PDZD2: variants seen among roughly 807,000 people sequenced by gnomAD.
PDZD2 encodes PDZ domain containing 2, also known as PDZ domain-containing protein 2.
A neutral mutation model predicts 220.7 loss-of-function variants in PDZD2; 90 were observed. The observed-to-expected ratio is 0.41, with a 90% CI of 0.34 to 0.49. PDZD2 has a LOEUF of 0.49. Among genes scored for constraint, PDZD2 ranks in the 20% least tolerant of loss-of-function variants. The pLI is 0.28. For synonymous variants in PDZD2, 1,375 were observed against 1,450.5 expected (o/e 0.95, Z 1.18); for missense variants, 3,174 against 3,608.5 (o/e 0.88, Z 3.08).
chr5:32,098,941 C>A lies in PDZD2; in HGVS notation c.8218+307C>A, dbSNP rs542307741. ...TTACATTCACAGCCTCTTGTTAGGA[C>A]TGGTAAGGAAAACAGGAAACTACGT... is the stretch of plus-strand genomic sequence containing the variant. On this transcript the variant is annotated intron_variant, in intron 23 of 24. Transcript: ENST00000438447. This position sits in a 1 kb window ranked among gnomAD's most constrained non-coding sequence, Gnocchi z 4.1. Among the ~76,000 whole-genome samples the A allele has an allele frequency of 6.6e-6, 1 of 152,144 alleles. No individual in the cohort carries two copies. Among genetic ancestry groups the A allele is most frequent in the Non-Finnish European group, 1.5e-5 (1 of 68,036 alleles).
At chr5:31,868,965 G>A (rs559784890) in intron 2 of PDZD2, among the ~76,000 whole-genome samples, 1 of 152,188 alleles carries the variant, frequency 6.6e-6, no homozygotes, top group African/African-American at 2.4e-5. Context: ...CAGAGATGAG[G>A]CTTTGCCATG....
chr5:31,983,140 CTCTG>C lies in PDZD2; in HGVS notation c.477-9_477-6del, dbSNP rs1561259189. ...GTGTGTGGGGTTCTAACTGGCACCT[CTCTG>C]TCTGTTGCAGTTACCTGGCTGAGCA... On this transcript the variant is annotated splice_polypyrimidine_tract_variant and intron_variant, in intron 2 of 24. Transcript: ENST00000438447. The C allele has an allele frequency of 1.2e-6, 2 of 1,605,502 alleles. No individual in the cohort carries two copies. Among genetic ancestry groups the C allele is most frequent in the Non-Finnish European group, 1.7e-6 (2 of 1,175,090 alleles).
chr5:32,003,105 CCACAA>C (rs1752402922), intron 5 of PDZD2, among the ~76,000 whole-genome samples: 1 of 113,432 alleles, frequency 8.8e-6, no homozygotes, highest in African/African-American at 3.2e-5. Context: ...CACACACACC[CCACAA>C]ACACACCACG....
Position 31,654,061 on chromosome 5 carries a change from G to A in PDZD2, c.-361+14624G>A, listed in dbSNP as rs1345693426. 3.9e-5 allele frequency among the ~76,000 whole-genome samples: 6 copies of A among 152,310 alleles called. No homozygotes were observed. In the East Asian group the frequency reaches 7.7e-4, roughly 20 times the overall value. ...GGCCTCCCAAAGTGCTGGGATTACAGGCGTGGGCCACCGCGCCTGGCCCCA... is the reference window on the plus strand; with the variant it reads ...GGCCTCCCAAAGTGCTGGGATTACAAGCGTGGGCCACCGCGCCTGGCCCCA... On this transcript the variant is annotated intron_variant, in intron 1 of 24. Coordinates refer to ENST00000438447, the MANE Select transcript of PDZD2 (RefSeq NM_178140.4).
intron 2 of PDZD2, among the ~76,000 whole-genome samples, chr5:31,803,261 CTTTTTT>C (rs759569783): frequency 1.1e-5 from 1 of 92,254 alleles, no homozygotes; most frequent in African/African-American, 5.0e-5. Flanking sequence ...CTGCATCTGG[CTTTTTT>C]TTTTTTTTTT....
rs760295515 is a variant in PDZD2, at chr5:32,090,277, A to G, written c.6829A>G (p.Ile2277Val). Residue 2277 changes from isoleucine (I) to valine (V), a missense_variant, in exon 20 of 25, where the codon ATA (isoleucine) becomes GTA (valine). Ile to Val is a conservative substitution (Grantham distance 29, BLOSUM62 3). Transcript: ENST00000438447. This position sits in a 1 kb window ranked among gnomAD's most constrained non-coding sequence, Gnocchi z 4.3. ...TCCCAGCCTGGCTAATGGACAGGGC[A>G]TATATAGTGTAAAGCCGCTGCTGGA... ...GLPSLANGQGIYSVKPLLDTS... is the reference protein window; with the variant it reads ...GLPSLANGQGVYSVKPLLDTS... 4.3e-6 allele frequency: 7 copies of G among 1,614,064 alleles called. No individual in the cohort carries two copies. The highest frequency in any genetic ancestry group is 5.9e-6 in the Non-Finnish European group (7 of 1,180,022).
At chr5:31,778,452 T>A (rs1263899778) in intron 1 of PDZD2, among the ~76,000 whole-genome samples, 1 of 152,118 alleles carries the variant, frequency 6.6e-6, no homozygotes, top group African/African-American at 2.4e-5. Flanking sequence ...GCTTCACTCC[T>A]GAGGCCAGCG....
intron 2 of PDZD2, among the ~76,000 whole-genome samples, chr5:31,882,424 T>G (rs1222097252): frequency 1.3e-5 from 2 of 152,112 alleles, no homozygotes; most frequent in African/African-American, 4.8e-5. Flanking sequence ...AACACAGGGA[T>G]AATAATTAGA....
intron 2 of PDZD2, among the ~76,000 whole-genome samples, chr5:31,848,604 C>T (rs1320230420): frequency 8.2e-6 from 1 of 122,578 alleles, no homozygotes; most frequent in Admixed American, 8.1e-5. Context: ...CAAAAACCAG[C>T]CAGGTGTGGT....
intron 2 of PDZD2, among the ~76,000 whole-genome samples, chr5:31,855,373 G>A (rs1433976465): frequency 1.3e-5 from 2 of 152,250 alleles, no homozygotes; most frequent in Non-Finnish European, 2.9e-5. Flanking sequence ...TTGAGAGACG[G>A]TTTGTGTTCC....
chr5:31,792,609 G>A (rs1201556878), intron 1 of PDZD2, among the ~76,000 whole-genome samples: 1 of 151,912 alleles, frequency 6.6e-6, no homozygotes, highest in African/African-American at 2.4e-5. Context: ...GTGGAGACGG[G>A]GTTTCACCGT....
At chr5:32,093,281 G>T (rs1743345915) in intron 21 of PDZD2, among the ~76,000 whole-genome samples, 1 of 152,186 alleles carries the variant, frequency 6.6e-6, no homozygotes, top group African/African-American at 2.4e-5. Context: ...GTAGCAACTA[G>T]TTACCATTCT....
At chr5:31,920,081 C>T (rs892616310) in intron 2 of PDZD2, among the ~76,000 whole-genome samples, 3 of 151,662 alleles carry the variant, frequency 2.0e-5, no homozygotes, top group Non-Finnish European at 4.4e-5. Context: ...CTCAGTAGTT[C>T]GAGACCAGCC....
intron 6 of PDZD2, among the ~76,000 whole-genome samples, chr5:32,031,445 A>T (rs2112194954): frequency 6.6e-6 from 1 of 152,326 alleles, no homozygotes; most frequent in South Asian, 2.1e-4. Context: ...GATTTCTAAA[A>T]ACTGAGCATT....
chr5:31,984,059 T>C (rs555942327), intron 3 of PDZD2, among the ~76,000 whole-genome samples: 4 of 152,242 alleles, frequency 2.6e-5, no homozygotes, highest in Admixed American at 6.5e-5. Context: ...CAAGAATTCC[T>C]GATGGCAGCT....
rs535100653 is a variant in PDZD2, at chr5:31,846,473, C to T, written c.476+46749C>T. Among the ~76,000 whole-genome samples the T allele has an allele frequency of 3.3e-5, 5 of 152,226 alleles. No homozygotes were observed. In the East Asian group the frequency reaches 7.7e-4, roughly 24 times the overall value. The stretch of plus-strand genomic sequence containing the variant: ...TGAGGACATCTTCCCAACAGAGCTG[C>T]GAAGAGGGAAAGAGACATGGGCATC... On this transcript the variant is annotated intron_variant, in intron 2 of 24. Coordinates refer to ENST00000438447, the MANE Select transcript of PDZD2 (RefSeq NM_178140.4).
chr5:32,047,430 G>A (rs995989976), intron 7 of PDZD2, among the ~76,000 whole-genome samples: 5 of 152,164 alleles, frequency 3.3e-5, no homozygotes, highest in Admixed American at 1.3e-4. Flanking sequence ...AGAATATTTA[G>A]TAATGGGATA....
At chr5:31,655,924 G>A (rs569214311) in intron 1 of PDZD2, among the ~76,000 whole-genome samples, 1 of 152,202 alleles carries the variant, frequency 6.6e-6, no homozygotes, top group Non-Finnish European at 1.5e-5. Flanking sequence ...TGCAGTGGAT[G>A]GTAGAAAGGA....
At chr5:31,651,994 A>ATTTTT (rs10676854) in intron 1 of PDZD2, among the ~76,000 whole-genome samples, 25 of 130,304 alleles carry the variant, frequency 1.9e-4, no homozygotes, top group Non-Finnish European at 3.0e-4. Flanking sequence ...TAATTTTTGT[A>ATTTTT]TTTTTTTTTT....
Sources: gnomAD v4.1 joint callset for allele counts (sites outside exome capture counted in the v4.1 genomes callset) on GRCh38, gnomAD v4.1.1 for gene constraint, Gnocchi (gnomAD v3.1) non-coding constraint, MANE v1.5 for transcripts, NCBI Gene and HGNC (gene_info 2026-07-23, HGNC 2026-07-21) for gene names.